The following BRINP3 variants were observed in gnomAD, a reference collection of about 807,000 sequenced individuals.
BRINP3 encodes the protein BMP/retinoic acid inducible neural specific 3, also known as BMP/retinoic acid-inducible neural-specific protein 3.
Under a neutral mutation model 71.0 loss-of-function variants are expected in BRINP3, and 19 were observed. That is an observed-to-expected ratio of 0.27 (90% confidence interval 0.19 to 0.39). BRINP3 has a LOEUF of 0.39. Among genes scored for constraint, BRINP3 ranks in the 10% least tolerant of loss-of-function variants. The pLI is 1.00. For missense variants in BRINP3, 959 were observed against 940.8 expected (o/e 1.02, Z -0.25); for synonymous variants, 380 against 337.7 (o/e 1.13, Z -1.37).
rs112426635 is a variant in BRINP3 at position 190,160,930 on chromosome 1, A to G, written c.962-40T>C. On this transcript the variant is annotated intron_variant, in intron 6 of 7. Coordinates refer to ENST00000367462, the MANE Select transcript of BRINP3 (RefSeq NM_199051.3). ...AATTCAACACTTTAATTATGAAACA[A>G]TTATTTTTTGTTTTTCACAAACACG... 993 of 1,457,922 alleles carry G rather than the reference A, an allele frequency of 6.8e-4. 9 individuals are homozygous for G. In the African/African-American group the frequency reaches 0.012, roughly 18 times the overall value. 90.3% of individuals were successfully genotyped at this position (1,457,922 alleles called of 1,614,324 possible). A position where few individuals can be genotyped will look rare whatever the true frequency, so the allele number is the denominator to read the frequency against.
chr1:190,209,462 G>GT, intron 6 of BRINP3, among the ~76,000 whole-genome samples: 1 of 152,160 alleles, frequency 6.6e-6, no homozygotes, highest in South Asian at 2.1e-4. Context: ...GATACATACA[G>GT]TTTTTTCTCA....
intron 6 of BRINP3, among the ~76,000 whole-genome samples, chr1:190,219,915 C>A (rs535082544): frequency 1.3e-5 from 2 of 150,732 alleles, no homozygotes; most frequent in African/African-American, 4.9e-5. Context: ...AACAAGCAAA[C>A]AAATGAAAAA....
chr1:190,226,166 A>G lies in BRINP3; in HGVS notation c.877T>C (p.Ser293Pro). 4 of 1,612,502 alleles carry G rather than the reference A, an allele frequency of 2.5e-6. No homozygotes were observed. Among genetic ancestry groups the G allele is most frequent in the Non-Finnish European group, 3.4e-6 (4 of 1,179,028 alleles). ...TCTTCCATGGCTTGAATGTCCATGG[A>G]GGGGCAGTTGCATTCTGGAAATTTG... ...GPKFPECNCP[S>P]MDIQAMEENL... Residue 293 changes from serine to proline, a missense_variant, in exon 6 of 8, where the codon TCC (serine) becomes CCC (proline). By Grantham distance (74) the Ser-to-Pro change is moderately conservative. Transcript: ENST00000367462.
At chr1:190,156,404 T>C (rs1656866627) in intron 7 of BRINP3, among the ~76,000 whole-genome samples, 1 of 152,106 alleles carries the variant, frequency 6.6e-6, no homozygotes, top group South Asian at 2.1e-4. Flanking sequence ...AGCGAATTAC[T>C]GGTATGGCTT....
rs536157338 is a variant in BRINP3 at position 190,301,178 on chromosome 1, T to TATATAC, written c.237-19429_237-19428insGTATAT. 4.6e-3 allele frequency among the ~76,000 whole-genome samples: 189 copies of TATATAC among 41,440 alleles called. 2 individuals are homozygous for TATATAC. The highest frequency in any genetic ancestry group is 0.027 in the East Asian group (43 of 1,614). The allele number at this position is 41,440 out of a possible 152,430, so 27.2% of individuals were successfully genotyped here. A position where few individuals can be genotyped will look rare whatever the true frequency, so the allele number is the denominator to read the frequency against. On this transcript the variant is annotated intron_variant, in intron 2 of 7. Coordinates refer to ENST00000367462, the MANE Select transcript of BRINP3 (RefSeq NM_199051.3). ...ACATATATATATACATATATATACA[T>TATATAC]ATATATATGTATATATATACACATA...
chr1:190,185,653 G>C (rs1205686178), intron 6 of BRINP3, among the ~76,000 whole-genome samples: 1 of 152,040 alleles, frequency 6.6e-6, no homozygotes, highest in Non-Finnish European at 1.5e-5. Flanking sequence ...CATGTCTCCT[G>C]CATGTATTTC....
intron 2 of BRINP3, among the ~76,000 whole-genome samples, chr1:190,307,764 G>C (rs559302350): frequency 1.0e-3 from 153 of 151,786 alleles, no homozygotes; most frequent in African/African-American, 3.5e-3. Flanking sequence ...CCTTCCATCT[G>C]TACTTTACAA....
At chr1:190,442,824 G>T (rs1423183281) in intron 2 of BRINP3, among the ~76,000 whole-genome samples, 1 of 150,126 alleles carries the variant, frequency 6.7e-6, no homozygotes, top group Non-Finnish European at 1.5e-5. Context: ...GTGTGTGTGT[G>T]TGTGTAATTT....
intron 2 of BRINP3, among the ~76,000 whole-genome samples, chr1:190,308,977 A>G (rs759505824): frequency 2.4e-4 from 36 of 152,070 alleles, no homozygotes; most frequent in Non-Finnish European, 4.3e-4. Context: ...CAGGGTGTCA[A>G]ATAAATATTT....
At chr1:190,296,036 T>C (rs1034909524) in intron 2 of BRINP3, among the ~76,000 whole-genome samples, 52 of 150,174 alleles carry the variant, frequency 3.5e-4, no homozygotes, top group African/African-American at 1.3e-3. Flanking sequence ...TTTGTCTATA[T>C]TTTTGTTTGT....
chr1:190,138,717 G>A (rs971415461), intron 7 of BRINP3, among the ~76,000 whole-genome samples: 2 of 152,174 alleles, frequency 1.3e-5, no homozygotes, highest in Non-Finnish European at 2.9e-5. Context: ...GCTTTGCAGA[G>A]ATACCAGCAA....
At chr1:190,415,393 A>G (rs781506744) in intron 2 of BRINP3, among the ~76,000 whole-genome samples, 1 of 152,208 alleles carries the variant, frequency 6.6e-6, no homozygotes, top group South Asian at 2.1e-4. Context: ...AGCCTTCAAC[A>G]TATAAATTAT....
chr1:190,357,193 A>G (rs908697402), intron 2 of BRINP3, among the ~76,000 whole-genome samples: 1 of 152,016 alleles, frequency 6.6e-6, no homozygotes, highest in Non-Finnish European at 1.5e-5. Context: ...GTTAGTTGCA[A>G]TAATAAAAGG....
chr1:190,149,912 T>C (rs1035519035), intron 7 of BRINP3, among the ~76,000 whole-genome samples: 1 of 152,148 alleles, frequency 6.6e-6, no homozygotes, highest in Non-Finnish European at 1.5e-5. Context: ...CAATGTTCTT[T>C]TGTGATGTTC....
At chr1:190,191,987 T>C (rs897015450) in intron 6 of BRINP3, among the ~76,000 whole-genome samples, 4 of 152,130 alleles carry the variant, frequency 2.6e-5, no homozygotes, top group Non-Finnish European at 5.9e-5. Flanking sequence ...TTAATGTTTA[T>C]ACATTTCAAG....
chr1:190,393,383 T>A (rs1387152532), intron 2 of BRINP3, among the ~76,000 whole-genome samples: 1 of 151,502 alleles, frequency 6.6e-6, no homozygotes, highest in East Asian at 1.9e-4. Flanking sequence ...CTAAAAGAGA[T>A]GCTAACGTGG....
intron 2 of BRINP3, among the ~76,000 whole-genome samples, chr1:190,311,219 A>G (rs1571712866): frequency 6.6e-6 from 1 of 151,696 alleles, no homozygotes; most frequent in Admixed American, 6.6e-5. Flanking sequence ...TTTAATTTCA[A>G]TTATCAAGAA....
chr1:190,433,385 T>C (rs1047584281), intron 2 of BRINP3, among the ~76,000 whole-genome samples: 3 of 152,184 alleles, frequency 2.0e-5, no homozygotes, highest in Non-Finnish European at 4.4e-5. Flanking sequence ...TGGGTTCTTA[T>C]TAACCTCATC....
intron 7 of BRINP3, among the ~76,000 whole-genome samples, chr1:190,108,669 AC>A (rs2102272623): frequency 6.7e-6 from 1 of 150,268 alleles, no homozygotes; most frequent in East Asian, 2.0e-4. Flanking sequence ...TGATGAATTA[AC>A]TTAAATTACT....
Sources: allele counts gnomAD v4.1 joint callset (sites outside exome capture counted in the v4.1 genomes callset), GRCh38; gene constraint gnomAD v4.1.1; transcripts MANE v1.5; gene names NCBI Gene and HGNC (gene_info 2026-07-23, HGNC 2026-07-21).